The following FNDC3B variants were observed in gnomAD, a reference collection of about 807,000 sequenced individuals.
FNDC3B encodes the protein fibronectin type III domain-containing protein 3B.
FNDC3B carries 12 observed loss-of-function variants against 151.5 expected under a neutral mutation model. That is an observed-to-expected ratio of 0.08 (90% CI 0.05 to 0.13). The LOEUF is 0.13. Among genes scored for constraint, FNDC3B ranks in the 10% least tolerant of loss-of-function variants. The probability of loss-of-function intolerance (pLI) is 1.00; values close to 1 mark genes in which losing one functional copy is unlikely to be tolerated. For missense variants in FNDC3B, 1,214 were observed against 1,505.3 expected (o/e 0.81, Z 3.20); for synonymous variants, 528 against 549.0 (o/e 0.96, Z 0.54).
intron 1 of FNDC3B, among the ~76,000 whole-genome samples, chr3:172,062,502 G>A (rs1338435191): frequency 6.6e-6 from 1 of 151,918 alleles, no homozygotes; most frequent in Non-Finnish European, 1.5e-5. Flanking sequence ...TAGTAGAGAT[G>A]GGGTTTCACT....
chr3:172,043,972 C>T (rs976914136), intron 1 of FNDC3B, among the ~76,000 whole-genome samples: 6 of 152,190 alleles, frequency 3.9e-5, no homozygotes, highest in African/African-American at 1.4e-4. Flanking sequence ...CAGTTCTTTT[C>T]AGACTTTGTA....
At chr3:172,386,223 C>T (rs577030747) in intron 25 of FNDC3B, among the ~76,000 whole-genome samples, 303 of 152,214 alleles carry the variant, frequency 2.0e-3, no homozygotes, top group African/African-American at 6.5e-3. Context: ...ATGCATGTGA[C>T]TTCTTATTTT....
intron 3 of FNDC3B, among the ~76,000 whole-genome samples, chr3:172,185,843 C>T (rs1724147841): frequency 6.6e-6 from 1 of 152,150 alleles, no homozygotes; most frequent in Admixed American, 6.5e-5. Flanking sequence ...GTAGACTTTT[C>T]ACTTTCTTTG....
chr3:172,219,092 T>G (rs760971531), intron 3 of FNDC3B, among the ~76,000 whole-genome samples: 24 of 152,222 alleles, frequency 1.6e-4, no homozygotes, highest in Non-Finnish European at 2.9e-4. Flanking sequence ...TCAGTCTGTT[T>G]ATTTGTAAAG....
intron 3 of FNDC3B, among the ~76,000 whole-genome samples, chr3:172,167,517 A>G (rs534866802): frequency 2.2e-4 from 33 of 152,346 alleles, no homozygotes; most frequent in African/African-American, 7.7e-4. Flanking sequence ...ACTTTTGCCT[A>G]AGATAACATC....
At chr3:172,157,207 G>A (rs561935207) in intron 3 of FNDC3B, among the ~76,000 whole-genome samples, 174 of 152,134 alleles carry the variant, frequency 1.1e-3, no homozygotes, top group African/African-American at 4.1e-3. Context: ...AGAAACAAAG[G>A]TCCAGATAGG....
intron 2 of FNDC3B, among the ~76,000 whole-genome samples, chr3:172,124,745 T>C (rs1720724773): frequency 6.6e-6 from 1 of 152,240 alleles, no homozygotes; most frequent in Non-Finnish European, 1.5e-5. Context: ...CTGTGGACAC[T>C]AAGTTAAAAT....
Position 172,266,199 on chromosome 3 carries a change from C to T in FNDC3B, c.790+14658C>T, listed in dbSNP as rs536364001. ...CTTGAGCTCAGTTCCTTTGATTTGG[C>T]CCAATTTTCTTCACTGTTTTTCTTT... is the stretch of plus-strand genomic sequence containing the variant. On this transcript the variant is annotated intron_variant, in intron 6 of 25. Coordinates refer to ENST00000415807, the MANE Select transcript of FNDC3B (RefSeq NM_022763.4). Among the ~76,000 whole-genome samples the T allele has an allele frequency of 2.6e-5, 4 of 152,254 alleles. No homozygotes were observed. The South Asian group carries it at 8.3e-4, about 32-fold the overall frequency.
chr3:172,063,058 C>T (rs1330366847), intron 1 of FNDC3B, among the ~76,000 whole-genome samples: 1 of 152,116 alleles, frequency 6.6e-6, no homozygotes, highest in Non-Finnish European at 1.5e-5. Flanking sequence ...CATTGCTGTC[C>T]TTTCTTTACA....
chr3:172,117,797 C>G (rs1720338743), intron 2 of FNDC3B, among the ~76,000 whole-genome samples: 1 of 152,222 alleles, frequency 6.6e-6, no homozygotes. Flanking sequence ...ATTTGTCATA[C>G]TATTCTTCTT....
chr3:172,367,107 T>C (rs1734667159), intron 23 of FNDC3B, among the ~76,000 whole-genome samples: 1 of 152,200 alleles, frequency 6.6e-6, no homozygotes, highest in African/African-American at 2.4e-5. Flanking sequence ...CCCCCTGGGA[T>C]AGGACATTTG....
chr3:172,187,071 G>A, intron 3 of FNDC3B: 1 of 264,772 alleles, frequency 3.8e-6, no homozygotes, highest in Non-Finnish European at 7.1e-6. Flanking sequence ...CTTTATTCCT[G>A]CTTATTACCT....
chr3:172,319,831 A>G (rs981237930), intron 11 of FNDC3B, among the ~76,000 whole-genome samples: 3 of 152,214 alleles, frequency 2.0e-5, no homozygotes, highest in Non-Finnish European at 1.5e-5. Context: ...CTAGCAGACT[A>G]AATCTTAGAG....
rs751522795 is a variant in FNDC3B, at chr3:172,378,364, G to A, written c.3103G>A (p.Glu1035Lys). ...CYSFRIQAAS[E>K]AGEGPFSETY... The stretch of plus-strand genomic sequence containing the variant: ...CTCCTTCAGAATCCAGGCAGCAAGC[G>A]AGGCTGGAGAAGGGCCCTTCTCAGA... The change falls in exon 24 of 26, where the codon GAG becomes AAG. Residue 1035 changes from glutamate (E) to lysine (K), a missense_variant. Transcript: ENST00000415807. 39 of 1,613,912 alleles carry A rather than the reference G, an allele frequency of 2.4e-5. No homozygotes were observed. In the South Asian group the frequency reaches 3.4e-4, roughly 14 times the overall value.
chr3:172,150,922 T>A (rs1004812432), intron 3 of FNDC3B, among the ~76,000 whole-genome samples: 5 of 152,194 alleles, frequency 3.3e-5, no homozygotes, highest in Non-Finnish European at 7.3e-5. Context: ...AGGTATTTTT[T>A]AAAAAATAAC....
At chr3:172,187,774 C>A (rs1440603104) in intron 3 of FNDC3B, among the ~76,000 whole-genome samples, 1 of 152,074 alleles carries the variant, frequency 6.6e-6, no homozygotes, top group Non-Finnish European at 1.5e-5. Context: ...GTGTATGCCA[C>A]TACACTCAGC....
chr3:172,243,599 C>T (rs375326458), intron 4 of FNDC3B, among the ~76,000 whole-genome samples: 1 of 152,112 alleles, frequency 6.6e-6, no homozygotes. Context: ...CAATTACCTC[C>T]CACCCACTCC....
At chr3:172,251,575 A>G (rs944550160) in intron 6 of FNDC3B, 34 bp downstream of exon 6, 2 of 1,560,734 alleles carry the variant, frequency 1.3e-6, no homozygotes, top group Admixed American at 1.8e-5. Context: ...AGAGTGAATT[A>G]TCAAGACAGA....
At chr3:172,178,491 A>C (rs180968430) in intron 3 of FNDC3B, among the ~76,000 whole-genome samples, 3 of 152,282 alleles carry the variant, frequency 2.0e-5, no homozygotes, top group African/African-American at 7.2e-5. Flanking sequence ...AGACTTTTCA[A>C]ATCAATACTT....
Sources: gnomAD v4.1 joint callset for allele counts (sites outside exome capture counted in the v4.1 genomes callset) on GRCh38, gnomAD v4.1.1 for gene constraint, MANE v1.5 for transcripts, NCBI Gene and HGNC (gene_info 2026-07-23, HGNC 2026-07-21) for gene names.